Variants in FBXW7 observed in about 807,000 individuals in gnomAD.
The protein encoded by FBXW7 is F-box/WD repeat-containing protein 7.
Under a neutral mutation model 86.3 loss-of-function variants are expected in FBXW7, and 11 were observed. That is an observed-to-expected ratio of 0.13 (90% CI 0.08 to 0.21). The LOEUF (loss-of-function observed/expected upper bound fraction) is 0.21, where lower values mean the gene tolerates loss of function less well. Among genes scored for constraint, FBXW7 ranks in the 10% least tolerant of loss-of-function variants. The pLI, the probability that FBXW7 is intolerant of heterozygous loss-of-function variation, is 1.00. For synonymous variants in FBXW7, 313 were observed against 297.9 expected (o/e 1.05, Z -0.52); for missense variants, 488 against 847.4 (o/e 0.58, Z 5.27).
intron 9 of FBXW7, 132 bp downstream of exon 9, chr4:152,330,600 A>T: frequency 1.4e-6 from 1 of 703,292 alleles, no homozygotes; most frequent in Non-Finnish European, 2.1e-6. Flanking sequence ...TAATACTTTC[A>T]GTTATTTTAA....
chr4:152,430,542 T>C (rs989158921), intron 2 of FBXW7, among the ~76,000 whole-genome samples: 1 of 152,064 alleles, frequency 6.6e-6, no homozygotes, highest in Non-Finnish European at 1.5e-5. Context: ...GTTCTGTCTG[T>C]ACTAAAAAAA....
chr4:152,437,941 G>A (rs1740533245), intron 2 of FBXW7, among the ~76,000 whole-genome samples: 1 of 151,870 alleles, frequency 6.6e-6, no homozygotes, highest in Admixed American at 6.5e-5. Context: ...TTGGGAGGCA[G>A]AGGTGGGCAG....
At chr4:152,497,346 CACACACACA>C (rs1746462480) in intron 2 of FBXW7, among the ~76,000 whole-genome samples, 4 of 113,428 alleles carry the variant, frequency 3.5e-5, no homozygotes, top group African/African-American at 7.2e-5. Context: ...AAAAAAACCA[CACACACACA>C]CACACACACA....
intron 6 of FBXW7, among the ~76,000 whole-genome samples, chr4:152,346,456 G>A (rs2126631309): frequency 6.6e-6 from 1 of 152,256 alleles, no homozygotes; most frequent in South Asian, 2.1e-4. Flanking sequence ...ACACAAATAA[G>A]TATTGGACTT....
chr4:152,486,937 C>T (rs1445236576), intron 2 of FBXW7, among the ~76,000 whole-genome samples: 1 of 152,064 alleles, frequency 6.6e-6, no homozygotes, highest in East Asian at 1.9e-4. Flanking sequence ...ACAGCTACAA[C>T]GTCACTATGC....
Position 152,445,707 on chromosome 4 carries a change from A to C in FBXW7, c.-119-33178T>G, listed in dbSNP as rs1741309983. On this transcript the variant is annotated intron_variant, in intron 2 of 13. Transcript: ENST00000281708. ...CAGATCACTTGAGGCCAGGAGTTAG[A>C]GATCAGCCTGGGCAACATGGCAGAA... Among the ~76,000 whole-genome samples, 3 of 152,238 alleles carry C rather than the reference A, an allele frequency of 2.0e-5. No homozygotes were observed. In the South Asian group the frequency reaches 6.2e-4, roughly 32 times the overall value.
At chr4:152,345,941 G>A (rs1731219397) in intron 6 of FBXW7, among the ~76,000 whole-genome samples, 1 of 152,054 alleles carries the variant, frequency 6.6e-6, no homozygotes, top group Non-Finnish European at 1.5e-5. Context: ...GCAGCCAGAG[G>A]TAGGGTAGTA....
chr4:152,390,321 T>C (rs1261094921), intron 4 of FBXW7, among the ~76,000 whole-genome samples: 1 of 152,086 alleles, frequency 6.6e-6, no homozygotes, highest in Non-Finnish European at 1.5e-5. Flanking sequence ...TCCCACTGAA[T>C]TTTCTAAGTA....
intron 2 of FBXW7, among the ~76,000 whole-genome samples, chr4:152,437,961 G>T (rs568122940): frequency 6.6e-6 from 1 of 152,238 alleles, no homozygotes; most frequent in Admixed American, 6.5e-5. Context: ...GATCACTTGA[G>T]GTCAGGAGTT....
chr4:152,410,232 A>G (rs917686832), intron 4 of FBXW7, among the ~76,000 whole-genome samples: 87 of 152,174 alleles, frequency 5.7e-4, no homozygotes, highest in Admixed American at 4.3e-3. Context: ...CTCAGGAAAA[A>G]AAGAGATGTT....
chr4:152,334,923 T>C (rs562989768), intron 7 of FBXW7, among the ~76,000 whole-genome samples: 1 of 151,684 alleles, frequency 6.6e-6, no homozygotes, highest in Non-Finnish European at 1.5e-5. Flanking sequence ...AACAAAAAAA[T>C]ATGAATTAAA....
intron 4 of FBXW7, among the ~76,000 whole-genome samples, chr4:152,361,575 C>T (rs1732945275): frequency 6.6e-6 from 1 of 152,190 alleles, no homozygotes; most frequent in South Asian, 2.1e-4. Flanking sequence ...ATCTTCTCAA[C>T]ATTCTCATAG....
At chr4:152,391,443 A>G (rs1184968902) in intron 4 of FBXW7, among the ~76,000 whole-genome samples, 3 of 152,180 alleles carry the variant, frequency 2.0e-5, no homozygotes, top group Non-Finnish European at 4.4e-5. Context: ...GCTATCAAGA[A>G]AAATTAGAAA....
At chr4:152,483,673 G>C (rs1467508604) in intron 2 of FBXW7, among the ~76,000 whole-genome samples, 1 of 151,908 alleles carries the variant, frequency 6.6e-6, no homozygotes, top group African/African-American at 2.4e-5. Flanking sequence ...ACTCCAGCCT[G>C]GGCAACAAAG....
chr4:152,349,047 G>A (rs1731547295), intron 5 of FBXW7, among the ~76,000 whole-genome samples: 1 of 151,932 alleles, frequency 6.6e-6, no homozygotes, highest in Non-Finnish European at 1.5e-5. Context: ...TCATAAAGCA[G>A]CATTTGAAAG....
intron 4 of FBXW7, chr4:152,352,869 T>C (rs1237799487): frequency 9.5e-6 from 14 of 1,470,876 alleles, no homozygotes; most frequent in Admixed American, 2.5e-5. Context: ...AGATTACATC[T>C]TCCCTTGAAC....
At chr4:152,497,086 G>A (rs1018326165) in intron 2 of FBXW7, among the ~76,000 whole-genome samples, 4 of 152,192 alleles carry the variant, frequency 2.6e-5, no homozygotes, top group African/African-American at 9.6e-5. Context: ...ACTCTGGGAG[G>A]CCAAGGCGGG....
At chr4:152,504,941 C>G (rs1242788750) in intron 2 of FBXW7, among the ~76,000 whole-genome samples, 6 of 152,078 alleles carry the variant, frequency 3.9e-5, no homozygotes, top group Non-Finnish European at 5.9e-5. Context: ...ACATGTGTGG[C>G]TCAAATTATA....
At chr4:152,506,966 GGTCT>G (rs1425075772) in intron 2 of FBXW7, among the ~76,000 whole-genome samples, 1 of 152,098 alleles carries the variant, frequency 6.6e-6, no homozygotes, top group East Asian at 1.9e-4. Context: ...AAAACAACAT[GGTCT>G]ATCTAATACC....
Sources: allele counts gnomAD v4.1 joint callset (sites outside exome capture counted in the v4.1 genomes callset), GRCh38; gene constraint gnomAD v4.1.1; transcripts MANE v1.5; gene names NCBI Gene and HGNC (gene_info 2026-07-23, HGNC 2026-07-21).